Variants in BMP8A observed in about 807,000 individuals in gnomAD.
BMP8A encodes the protein bone morphogenetic protein 8a.
In BMP8A, 14 loss-of-function variants were observed where a neutral mutation model predicts 36.8. The ratio of observed to expected loss-of-function variants is 0.38; its 90% CI spans 0.25 to 0.60. The LOEUF (loss-of-function observed/expected upper bound fraction) is 0.60, where lower values mean the gene tolerates loss of function less well. BMP8A is among the 20% of genes least tolerant of loss of function. BMP8A has a pLI of 0.63. For synonymous variants in BMP8A, 120 were observed against 237.7 expected, an observed-to-expected ratio of 0.50 and a Z score of 4.55; for missense variants, 267 against 551.1, an observed-to-expected ratio of 0.48 and a Z score of 5.16.
At chr1:39,523,798 A>T in intron 6 of BMP8A, 1 of 989,520 alleles carries the variant, frequency 1.0e-6, no homozygotes. Flanking sequence ...TCCTTCTAGA[A>T]GTTTTTACCT....
rs537372382 is a variant in BMP8A at position 39,529,176 on chromosome 1, A to C, written c.*3378A>C. On this transcript the variant is annotated 3_prime_UTR_variant, in exon 7 of 7. Coordinates refer to ENST00000331593, the MANE Select transcript of BMP8A (RefSeq NM_181809.4). ...ATGCCTGCGCAGACCTGTGGAATAA[A>C]CAGCAATTCTGAGCAGGCTCATTTT... 6.6e-6 allele frequency: 1 copy of C among 152,368 alleles called. No individual in the cohort carries two copies. The highest frequency in any genetic ancestry group is 1.9e-4 in the East Asian group (1 of 5,188). 9.4% of individuals were successfully genotyped at this position (152,368 alleles called of 1,614,324 possible).
In BMP8A at chr1:39,527,351, A is replaced by G. The variant is rs1645493299; in HGVS notation, c.*1553A>G. Among the ~76,000 whole-genome samples, 1 of 152,104 alleles carries G rather than the reference A, an allele frequency of 6.6e-6. No individual in the cohort carries two copies. Among genetic ancestry groups the G allele is most frequent in the Admixed American group, 6.5e-5 (1 of 15,278 alleles). ...TGATTTCTGACTTGCTAAGCCTGTAATTTACCTGCTGGAACAGACAGAGTC... is the reference window on the plus strand; with the variant it reads ...TGATTTCTGACTTGCTAAGCCTGTAGTTTACCTGCTGGAACAGACAGAGTC... On this transcript the variant is annotated 3_prime_UTR_variant, in exon 7 of 7. Transcript: ENST00000331593.
chr1:39,515,777 C>T, intron 3 of BMP8A: 1 of 1,592,576 alleles, frequency 6.3e-7, no homozygotes. Context: ...ACGAATTGAG[C>T]GCTTAACGAT....
At position 39,501,704 on chromosome 1, in the gene BMP8A, T is replaced by C. The variant is rs56056509; in HGVS notation, c.334+9379T>C. ...ATCTTGAACTCCTGGCCTCAAGTGG[T>C]CCTCCTGCCTGGCCTCCCAAAGTGA... is the stretch of plus-strand genomic sequence containing the variant. On this transcript the variant is annotated intron_variant, in intron 1 of 6. Transcript: ENST00000331593. Among the ~76,000 whole-genome samples the C allele has an allele frequency of 6.7e-3, 1,016 of 152,254 alleles. 16 individuals are homozygous for C. The highest frequency in any genetic ancestry group is 0.017 in the Middle Eastern group (5 of 294).
intron 3 of BMP8A, among the ~76,000 whole-genome samples, chr1:39,512,813 C>G (rs1225361710): frequency 6.6e-6 from 1 of 152,252 alleles, no homozygotes; most frequent in African/African-American, 2.4e-5. Flanking sequence ...ACGAGAAAAC[C>G]GTCAAACAAA....
chr1:39,495,311 G>T lies in BMP8A; in HGVS notation c.334+2986G>T, dbSNP rs555009263. Reference sequence around the variant, plus strand: ...TTCCCACCCATGGGTTCAGGCCTCCGTGCAGAGCAGGTGCTTTAGGAAGCC... The same window carrying T: ...TTCCCACCCATGGGTTCAGGCCTCCTTGCAGAGCAGGTGCTTTAGGAAGCC... On this transcript the variant is annotated intron_variant, in intron 1 of 6. Coordinates refer to ENST00000331593, the MANE Select transcript of BMP8A (RefSeq NM_181809.4). Among the ~76,000 whole-genome samples the T allele has an allele frequency of 3.3e-5, 5 of 152,316 alleles. No individual in the cohort carries two copies. The East Asian group carries it at 9.7e-4, about 29-fold the overall frequency.
intron 1 of BMP8A, among the ~76,000 whole-genome samples, chr1:39,493,613 C>T (rs1645180277): frequency 6.6e-6 from 1 of 152,240 alleles, no homozygotes; most frequent in African/African-American, 2.4e-5. Flanking sequence ...CTCTGCTTCC[C>T]GCAACCCAGA....
intron 3 of BMP8A, chr1:39,514,951 C>T: frequency 6.6e-7 from 1 of 1,510,114 alleles, no homozygotes; most frequent in Non-Finnish European, 8.8e-7. Context: ...CGACCCGGGC[C>T]GACTATGGCG....
chr1:39,509,670 C>G (rs987393937), intron 1 of BMP8A, among the ~76,000 whole-genome samples: 1 of 152,234 alleles, frequency 6.6e-6, no homozygotes, highest in African/African-American at 2.4e-5. Context: ...GTTCCCACCA[C>G]GAGGACAGGA....
chr1:39,492,614 C>G (rs575053421), intron 1 of BMP8A, among the ~76,000 whole-genome samples: 155 of 152,348 alleles, frequency 1.0e-3, no homozygotes, highest in Admixed American at 1.8e-3. Context: ...CTTTGCCCAC[C>G]TGGGCTGCCC....
intron 4 of BMP8A, among the ~76,000 whole-genome samples, chr1:39,522,054 G>A (rs1218753893): frequency 8.9e-6 from 1 of 112,014 alleles, no homozygotes; most frequent in African/African-American, 2.9e-5. Flanking sequence ...GGGAATGGGT[G>A]TGGCAGGAGA....
intron 1 of BMP8A, among the ~76,000 whole-genome samples, chr1:39,494,477 A>G (rs1215692452): frequency 6.6e-6 from 1 of 151,072 alleles, no homozygotes; most frequent in Non-Finnish European, 1.5e-5. Context: ...CAGCCTCCCC[A>G]GTAGCTAGGG....
At chr1:39,498,145 C>T (rs1645221740) in intron 1 of BMP8A, among the ~76,000 whole-genome samples, 1 of 152,244 alleles carries the variant, frequency 6.6e-6, no homozygotes, top group Non-Finnish European at 1.5e-5. Context: ...CCTCCTTGGC[C>T]TCAGTTTCCC....
In BMP8A at chr1:39,505,985, C is replaced by CAAAAA. The variant is rs369981354; in HGVS notation, c.335-5189_335-5188insAAAAA. The stretch of plus-strand genomic sequence containing the variant: ...TGGGTGACAGAGCAAGACCCTGTCT[C>CAAAAA]CAAAAAAAAAAAAAAAAAAAAGTGT... On this transcript the variant is annotated intron_variant, in intron 1 of 6. Coordinates refer to ENST00000331593, the MANE Select transcript of BMP8A (RefSeq NM_181809.4). Among the ~76,000 whole-genome samples the CAAAAA allele has an allele frequency of 3.0e-3, 280 of 93,384 alleles. 66 individuals carry two copies. Among genetic ancestry groups the CAAAAA allele is most frequent in the African/African-American group, 3.1e-3 (66 of 21,096 alleles). The allele number at this position is 93,384 out of a possible 152,430, so 61.3% of individuals were successfully genotyped here. A position where few individuals can be genotyped will look rare whatever the true frequency, so the allele number is the denominator to read the frequency against.
rs1429646730 is a variant in BMP8A, at chr1:39,494,119, C to T, written c.334+1794C>T. 2.0e-5 allele frequency among the ~76,000 whole-genome samples: 3 copies of T among 152,222 alleles called. No homozygotes were observed. In the South Asian group the frequency reaches 6.2e-4, roughly 31 times the overall value. The stretch of plus-strand genomic sequence containing the variant: ...CAGGAGTAGAAAGCCTGTGCTGCTC[C>T]CCTCAGAGGGTGAACCTGGACCTGG... On this transcript the variant is annotated intron_variant, in intron 1 of 6. Coordinates refer to ENST00000331593, the MANE Select transcript of BMP8A (RefSeq NM_181809.4).
chr1:39,522,514 A>ACAAT (rs1645436574), intron 5 of BMP8A, 32 bp downstream of exon 5: 1 of 1,612,556 alleles, frequency 6.2e-7, no homozygotes, highest in African/African-American at 1.3e-5. Flanking sequence ...TTCTGAAATG[A>ACAAT]CAATCACCAC....
chr1:39,525,586 T>C, intron 6 of BMP8A, 63 bp from the exon 7 acceptor site: 1 of 1,590,280 alleles, frequency 6.3e-7, no homozygotes, highest in South Asian at 1.1e-5. Context: ...GGGGCGGGGC[T>C]AGGTGGGTCC....
chr1:39,492,461 C>T (rs1645169416), intron 1 of BMP8A, 136 bp downstream of exon 1: 5 of 1,335,158 alleles, frequency 3.7e-6, no homozygotes, highest in Non-Finnish European at 4.8e-6. Context: ...GGAGTGGGAC[C>T]GCCGTGGTTA....
At chr1:39,505,486 A>C (rs985818338) in intron 1 of BMP8A, among the ~76,000 whole-genome samples, 1 of 152,226 alleles carries the variant, frequency 6.6e-6, no homozygotes, top group Non-Finnish European at 1.5e-5. Flanking sequence ...ATCTCAAAGC[A>C]GAAGAATTTT....
Sources: gnomAD v4.1 joint callset for allele counts (sites outside exome capture counted in the v4.1 genomes callset) on GRCh38, gnomAD v4.1.1 for gene constraint, MANE v1.5 for transcripts, NCBI Gene and HGNC (gene_info 2026-07-23, HGNC 2026-07-21) for gene names.